DLGAP4: variants seen among roughly 807,000 people sequenced by gnomAD.
DLGAP4 encodes the protein disks large-associated protein 4.
In DLGAP4, 18 loss-of-function variants were observed where a neutral mutation model predicts 86.9. The observed-to-expected ratio is 0.21, with a 90% confidence interval of 0.14 to 0.31. The LOEUF (loss-of-function observed/expected upper bound fraction) is 0.31, where lower values mean the gene tolerates loss of function less well. Among genes scored for constraint, DLGAP4 ranks in the 10% least tolerant of loss-of-function variants. The pLI is 1.00. For missense variants in DLGAP4, 1,085 were observed against 1,362.6 expected (o/e 0.80, Z 3.21); for synonymous variants, 548 against 574.3 (o/e 0.95, Z 0.65).
intron 7 of DLGAP4, chr20:36,473,021 G>C (rs2034740165): frequency 6.6e-6 from 1 of 152,306 alleles, no homozygotes; most frequent in African/African-American, 2.4e-5. Flanking sequence ...TCAGCCCCAT[G>C]TGGGTGTGGT....
intron 5 of DLGAP4, 99 bp downstream of exon 5, chr20:36,439,967 C>T: frequency 9.8e-7 from 1 of 1,024,444 alleles, no homozygotes; most frequent in South Asian, 1.4e-5. Flanking sequence ...CTGAGTGGCC[C>T]CCAGATGTCT....
intron 7 of DLGAP4, among the ~76,000 whole-genome samples, chr20:36,466,357 A>G (rs543653591): frequency 1.3e-5 from 2 of 152,332 alleles, no homozygotes; most frequent in East Asian, 3.9e-4. Flanking sequence ...CATCACCATC[A>G]TCAGCTTTGT....
intron 10 of DLGAP4, among the ~76,000 whole-genome samples, chr20:36,517,812 C>G (rs1450538511): frequency 3.3e-5 from 5 of 152,150 alleles, no homozygotes; most frequent in African/African-American, 1.2e-4. Flanking sequence ...TGTCTTTGTT[C>G]ATGAGACATT....
chr20:36,352,586 A>T (rs1285057127), intron 1 of DLGAP4, among the ~76,000 whole-genome samples: 1 of 152,110 alleles, frequency 6.6e-6, no homozygotes, highest in Non-Finnish European at 1.5e-5. Context: ...TCCCGAGAAA[A>T]AGAAACTAGA....
intron 1 of DLGAP4, among the ~76,000 whole-genome samples, chr20:36,318,155 CACAG>C (rs1387036614): frequency 1.7e-5 from 2 of 120,798 alleles, no homozygotes; most frequent in African/African-American, 5.6e-5. Flanking sequence ...CACACACACA[CACAG>C]TCTACTCCAG....
chr20:36,462,579 G>T, intron 7 of DLGAP4: 2 of 1,599,296 alleles, frequency 1.3e-6, no homozygotes, highest in South Asian at 1.1e-5. Flanking sequence ...ATGGCTTTGT[G>T]TCTGGAGCTC....
chr20:36,315,633 C>T (rs1372096424), intron 1 of DLGAP4, among the ~76,000 whole-genome samples: 1 of 152,120 alleles, frequency 6.6e-6, no homozygotes, highest in East Asian at 1.9e-4. Context: ...ATTTGAGCAA[C>T]ATTCCTGAGG....
At chr20:36,391,699 A>G (rs1351159234) in intron 2 of DLGAP4, among the ~76,000 whole-genome samples, 2 of 152,158 alleles carry the variant, frequency 1.3e-5, no homozygotes, top group Admixed American at 1.3e-4. Flanking sequence ...CAAATGGAAC[A>G]GCGCCCACCC....
At chr20:36,467,470 T>A (rs2034469332) in intron 7 of DLGAP4, among the ~76,000 whole-genome samples, 1 of 152,078 alleles carries the variant, frequency 6.6e-6, no homozygotes, top group African/African-American at 2.4e-5. Flanking sequence ...GTAGGCAGTG[T>A]TAAACAGCTG....
At chr20:36,378,269 A>C (rs2031237453) in intron 2 of DLGAP4, among the ~76,000 whole-genome samples, 1 of 152,096 alleles carries the variant, frequency 6.6e-6, no homozygotes, top group Non-Finnish European at 1.5e-5. Context: ...CTTTTTCTTC[A>C]TCTGTAAAAT....
chr20:36,452,303 C>T (rs1357005122), intron 7 of DLGAP4, among the ~76,000 whole-genome samples: 4 of 152,154 alleles, frequency 2.6e-5, no homozygotes, highest in Non-Finnish European at 4.4e-5. Flanking sequence ...CTCAGCCTCC[C>T]GAGTAGCTGA....
intron 2 of DLGAP4, among the ~76,000 whole-genome samples, chr20:36,422,031 G>T (rs2032843371): frequency 6.6e-6 from 1 of 152,140 alleles, no homozygotes; most frequent in South Asian, 2.1e-4. Context: ...AGCCGGAGCA[G>T]GTATGAGAGA....
intron 4 of DLGAP4, among the ~76,000 whole-genome samples, chr20:36,436,737 A>T (rs1600526820): frequency 6.7e-6 from 1 of 149,940 alleles, no homozygotes; most frequent in South Asian, 2.1e-4. Context: ...AATCGCTTGA[A>T]CCCGGGAGGC....
At chr20:36,467,330 C>T (rs1049978917) in intron 7 of DLGAP4, among the ~76,000 whole-genome samples, 8 of 152,206 alleles carry the variant, frequency 5.3e-5, no homozygotes, top group African/African-American at 9.6e-5. Flanking sequence ...AGGGTGGTGC[C>T]GACATTCCAG....
intron 1 of DLGAP4, among the ~76,000 whole-genome samples, chr20:36,315,446 T>G (rs2065090291): frequency 7.8e-3 from 1 of 128 alleles, no homozygotes; most frequent in South Asian, 0.5. Flanking sequence ...CTGCGTGGGC[T>G]TCATGGGACC....
At chr20:36,391,207 C>A (rs912223434) in intron 2 of DLGAP4, among the ~76,000 whole-genome samples, 1 of 152,148 alleles carries the variant, frequency 6.6e-6, no homozygotes, top group African/African-American at 2.4e-5. Context: ...GGACCTATAG[C>A]CGTGGGAGAT....
chr20:36,444,728 C>A (rs1245936236), intron 6 of DLGAP4, among the ~76,000 whole-genome samples: 1 of 152,008 alleles, frequency 6.6e-6, no homozygotes, highest in Admixed American at 6.6e-5. Flanking sequence ...GCAACCTCCT[C>A]CTCCAGGGTT....
In DLGAP4 at chr20:36,432,696, C is replaced by G; in HGVS notation, c.979C>G (p.Leu327Val). 6.2e-7 allele frequency: 1 copy of G among 1,613,296 alleles called. No homozygotes were observed. The highest frequency in any genetic ancestry group is 1.7e-5 in the Admixed American group (1 of 59,926). The change falls in exon 3 of 13, where the codon CTA (leucine) becomes GTA (valine). Residue 327 changes from leucine to valine, a missense_variant. Physicochemically the swap from Leu to Val is conservative, Grantham distance 32. Transcript: ENST00000339266. The surrounding 1 kb of genome is among the most constrained non-coding windows in gnomAD (Gnocchi z 6.5). ...LLKSKSCHQG[L>V]AYHYLQVPGG... ...CAAGTCCAAATCCTGCCACCAGGGTCTAGCCTACCATTACCTGCAGGTGGG... is the reference window on the plus strand; with the variant it reads ...CAAGTCCAAATCCTGCCACCAGGGTGTAGCCTACCATTACCTGCAGGTGGG...
intron 1 of DLGAP4, among the ~76,000 whole-genome samples, chr20:36,344,077 T>A (rs1555892763): frequency 6.6e-6 from 1 of 151,936 alleles, no homozygotes; most frequent in Non-Finnish European, 1.5e-5. Flanking sequence ...GAACTGTGGG[T>A]TTTCTGGGTG....
Sources: gnomAD v4.1 joint callset for allele counts (sites outside exome capture counted in the v4.1 genomes callset) on GRCh38, gnomAD v4.1.1 for gene constraint, Gnocchi (gnomAD v3.1) non-coding constraint, MANE v1.5 for transcripts, NCBI Gene and HGNC (gene_info 2026-07-23, HGNC 2026-07-21) for gene names.